The following TPRG1 variants were observed in gnomAD, a reference collection of about 807,000 sequenced individuals.
The protein encoded by TPRG1 is tumor protein p63 regulated 1, also known as tumor protein p63-regulated gene 1 protein.
A neutral mutation model predicts 29.3 loss-of-function variants in TPRG1; 29 were observed. That is an observed-to-expected ratio of 0.99 (90% CI 0.74 to 1.35). TPRG1 has a LOEUF of 1.35. Ranked by LOEUF, TPRG1 falls within the 40% of genes most tolerant of loss-of-function variation. TPRG1 has a pLI of 0.00. For synonymous variants in TPRG1, 130 were observed against 116.8 expected, an observed-to-expected ratio of 1.11 and a Z score of -0.73; for missense variants, 327 against 335.0, an observed-to-expected ratio of 0.98 and a Z score of 0.19.
At chr3:189,152,581 C>A (rs936823428) in intron 5 of TPRG1, among the ~76,000 whole-genome samples, 1 of 151,712 alleles carries the variant, frequency 6.6e-6, no homozygotes, top group Non-Finnish European at 1.5e-5. Context: ...TTGCTACCAG[C>A]CATTATTATT....
rs1170230058 is a variant in TPRG1 at position 189,134,794 on chromosome 3, A to G, written c.-291+2097A>G. ...AGGTAAATAATTTTCACTAGGACTTACAGTGATTTACTGATCTAGTCATGA... is the reference window on the plus strand; with the variant it reads ...AGGTAAATAATTTTCACTAGGACTTGCAGTGATTTACTGATCTAGTCATGA... On this transcript the variant is annotated intron_variant, in intron 3 of 6. Transcript: ENST00000412373. Among the ~76,000 whole-genome samples, 5 of 152,266 alleles carry G rather than the reference A, an allele frequency of 3.3e-5. No homozygotes were observed. The East Asian group carries it at 9.6e-4, about 29-fold the overall frequency.
chr3:189,094,106 C>T (rs1222561169), intron 4 of TPRG1, among the ~76,000 whole-genome samples: 1 of 152,114 alleles, frequency 6.6e-6, no homozygotes, highest in African/African-American at 2.4e-5. Context: ...AACCCTGGGA[C>T]ACAAAGATAA....
At chr3:189,002,701 T>C (rs539805337) in intron 2 of TPRG1, among the ~76,000 whole-genome samples, 2 of 152,202 alleles carry the variant, frequency 1.3e-5, no homozygotes, top group Admixed American at 6.6e-5. Flanking sequence ...CTACATCTTT[T>C]ATGTCTGCAG....
chr3:189,218,090 C>G (rs1736345064), intron 3 of TPRG1: 8 of 932,424 alleles, frequency 8.6e-6, no homozygotes, highest in Non-Finnish European at 1.0e-5. Context: ...GACCAACTAC[C>G]CTAGCCTCAC....
intron 4 of TPRG1, among the ~76,000 whole-genome samples, chr3:189,247,524 T>C (rs935102346): frequency 6.6e-6 from 1 of 151,996 alleles, no homozygotes; most frequent in African/African-American, 2.4e-5. Flanking sequence ...TAAAATACTA[T>C]GGGATTTATT....
At chr3:189,151,949 C>A (rs1301713545) in intron 5 of TPRG1, among the ~76,000 whole-genome samples, 5 of 152,150 alleles carry the variant, frequency 3.3e-5, no homozygotes, top group Non-Finnish European at 5.9e-5. Context: ...TTTAAGGACA[C>A]ACTTGTGAAA....
At chr3:189,028,604 T>C (rs1214091775) in intron 4 of TPRG1, among the ~76,000 whole-genome samples, 1 of 152,196 alleles carries the variant, frequency 6.6e-6, no homozygotes. Flanking sequence ...TTAGCAGTTT[T>C]TAGGGTTTGT....
At chr3:189,285,685 T>C (rs1717942275) in intron 4 of TPRG1, among the ~76,000 whole-genome samples, 1 of 152,202 alleles carries the variant, frequency 6.6e-6, no homozygotes, top group Admixed American at 6.5e-5. Context: ...AGAGTAATTC[T>C]TTAAGGTGGG....
At chr3:189,088,017 A>AAGT (rs113888068) in intron 4 of TPRG1, among the ~76,000 whole-genome samples, 26,331 of 151,536 alleles carry the variant, frequency 0.17, 4,252 homozygotes, top group African/African-American at 0.43. Context: ...ATGAACTTTA[A>AAGT]AGTTTTTTCC....
intron 4 of TPRG1, among the ~76,000 whole-genome samples, chr3:189,094,610 C>A (rs149521485): frequency 6.6e-6 from 1 of 152,296 alleles, no homozygotes; most frequent in East Asian, 1.9e-4. Flanking sequence ...AAATTTGCGT[C>A]ATTTGTTCTG....
chr3:189,049,834 C>A (rs920460381), intron 4 of TPRG1, among the ~76,000 whole-genome samples: 1 of 152,212 alleles, frequency 6.6e-6, no homozygotes, highest in Non-Finnish European at 1.5e-5. Context: ...ACTGTGCAGA[C>A]AACCCCCAGT....
intron 1 of TPRG1, chr3:189,191,013 T>C (rs1731610500): frequency 8.1e-6 from 8 of 984,876 alleles, no homozygotes; most frequent in Non-Finnish European, 9.6e-6. Flanking sequence ...TCTCAGGACA[T>C]TTACTGTCTA....
Position 189,039,123 on chromosome 3 carries a change from A to G in TPRG1, c.-463+15177A>G, listed in dbSNP as rs555758454. Among the ~76,000 whole-genome samples, 3 of 152,376 alleles carry G rather than the reference A, an allele frequency of 2.0e-5. No individual in the cohort carries two copies. The South Asian group carries it at 6.2e-4, about 32-fold the overall frequency. On this transcript the variant is annotated intron_variant, in intron 4 of 10. Coordinates refer to the TPRG1 transcript ENST00000433971. ...CGGAGGGAAACCTATGCAGGGTCAC[A>G]TGTGACATATACAAGGATATAGCTA...
chr3:189,122,172 C>T (rs546798044), intron 1 of TPRG1, among the ~76,000 whole-genome samples: 37 of 152,052 alleles, frequency 2.4e-4, no homozygotes, highest in African/African-American at 5.8e-4. Context: ...TTCTCTCCGA[C>T]GTCTTTTCTG....
At chr3:189,143,500 T>A (rs542456892) in intron 3 of TPRG1, among the ~76,000 whole-genome samples, 3 of 152,356 alleles carry the variant, frequency 2.0e-5, no homozygotes, top group African/African-American at 7.2e-5. Context: ...TGGATGCATA[T>A]TTGTATGGCT....
At chr3:189,314,608 A>G (rs1467756543) in intron 5 of TPRG1, among the ~76,000 whole-genome samples, 1 of 152,192 alleles carries the variant, frequency 6.6e-6, no homozygotes, top group Non-Finnish European at 1.5e-5. Context: ...CTGTTCACAT[A>G]CATAGTTTGT....
intron 5 of TPRG1, among the ~76,000 whole-genome samples, chr3:189,160,755 A>G (rs1727363311): frequency 6.6e-6 from 1 of 152,218 alleles, no homozygotes; most frequent in South Asian, 2.1e-4. Context: ...ACCTGTTTCC[A>G]AGGATACTCT....
At chr3:189,141,812 A>G (rs1033047820) in intron 3 of TPRG1, among the ~76,000 whole-genome samples, 1 of 152,200 alleles carries the variant, frequency 6.6e-6, no homozygotes, top group African/African-American at 2.4e-5. Context: ...TTGATTGATT[A>G]CTTTAAAAAG....
intron 4 of TPRG1, among the ~76,000 whole-genome samples, chr3:189,092,655 G>A (rs1228122138): frequency 1.3e-5 from 2 of 152,092 alleles, no homozygotes; most frequent in African/African-American, 2.4e-5. Context: ...TGCACTGGGA[G>A]CAATGTGAGG....
Sources: allele counts gnomAD v4.1 joint callset (sites outside exome capture counted in the v4.1 genomes callset), GRCh38; gene constraint gnomAD v4.1.1; transcripts MANE v1.5; gene names NCBI Gene and HGNC (gene_info 2026-07-23, HGNC 2026-07-21).